Variants in ZNF148 observed in about 807,000 individuals in gnomAD.
ZNF148 encodes the protein Beta-Enolase Repressor Factor-1.
In ZNF148, 7 loss-of-function variants were observed where a neutral mutation model predicts 67.7. The observed-to-expected ratio is 0.10, with a 90% confidence interval of 0.06 to 0.19. ZNF148 has a LOEUF of 0.19. ZNF148 is among the 10% of genes least tolerant of loss of function. The pLI, the probability that ZNF148 is intolerant of heterozygous loss-of-function variation, is 1.00. For synonymous variants in ZNF148, 333 were observed against 330.7 expected (o/e 1.01, Z -0.08); for missense variants, 583 against 947.1 (o/e 0.62, Z 5.05).
chr3:125,243,135 G>A (rs1172294066), intron 7 of ZNF148, among the ~76,000 whole-genome samples: 4 of 152,078 alleles, frequency 2.6e-5, no homozygotes, highest in Non-Finnish European at 2.9e-5. Flanking sequence ...AAAAAGATAC[G>A]CCTTCCCATT....
intron 7 of ZNF148, among the ~76,000 whole-genome samples, chr3:125,238,501 T>G (rs1936195893): frequency 6.6e-6 from 1 of 151,620 alleles, no homozygotes; most frequent in African/African-American, 2.4e-5. Context: ...GGTGGCACAC[T>G]CCTGTAATCC....
intron 7 of ZNF148, among the ~76,000 whole-genome samples, chr3:125,244,178 G>C (rs1168495610): frequency 6.6e-6 from 1 of 152,160 alleles, no homozygotes; most frequent in African/African-American, 2.4e-5. Context: ...TTTCCAGTGA[G>C]ACTGTTTCCC....
intron 2 of ZNF148, among the ~76,000 whole-genome samples, chr3:125,324,825 A>G (rs1559757564): frequency 6.6e-6 from 1 of 152,166 alleles, no homozygotes; most frequent in Admixed American, 6.5e-5. Context: ...CAGTTTATAT[A>G]TTTTTTTAAG....
intron 7 of ZNF148, among the ~76,000 whole-genome samples, chr3:125,246,366 C>G (rs1169845832): frequency 6.6e-6 from 1 of 152,058 alleles, no homozygotes; most frequent in Non-Finnish European, 1.5e-5. Context: ...AGATCATGTA[C>G]CATTATGTGA....
At chr3:125,301,544 T>G (rs6768561) in intron 4 of ZNF148, among the ~76,000 whole-genome samples, 39 of 152,218 alleles carry the variant, frequency 2.6e-4, no homozygotes, top group African/African-American at 8.9e-4. Context: ...TAAAAACTCA[T>G]TTTTTTGCTT....
Position 125,233,168 on chromosome 3 carries a change from A to G in ZNF148, c.1558T>C (p.Ser520Pro). ...TTAATCTCCACATTCAGTGCCTGTG[A>G]CTCTAATATGGATGCCGTGGTACTT... is the stretch of plus-strand genomic sequence containing the variant. ...DESTTASILE[S>P]QALNVEIKSN... The change falls in exon 9 of 9, where the codon TCA (serine) becomes CCA (proline). Residue 520 changes from serine to proline, a missense_variant. This residue lies in a region of ZNF148 where 172 missense variants were observed against 307.7 expected (regional missense o/e 0.56). Transcript: ENST00000360647. This position sits in a 1 kb window ranked among gnomAD's most constrained non-coding sequence, Gnocchi z 5.1. The G allele has an allele frequency of 6.2e-7, 1 of 1,613,766 alleles. No homozygotes were observed. Among genetic ancestry groups the G allele is most frequent in the Non-Finnish European group, 8.5e-7 (1 of 1,179,862 alleles).
At chr3:125,340,761 C>G (rs1014963097) in intron 1 of ZNF148, among the ~76,000 whole-genome samples, 1 of 151,770 alleles carries the variant, frequency 6.6e-6, no homozygotes. Flanking sequence ...CCGAGGCGGG[C>G]GGATCACGAG....
At chr3:125,334,582 T>C (rs1941415247) in intron 1 of ZNF148, among the ~76,000 whole-genome samples, 1 of 152,200 alleles carries the variant, frequency 6.6e-6, no homozygotes, top group Non-Finnish European at 1.5e-5. Flanking sequence ...CTCAGTAGTG[T>C]TCCTAGGACA....
intron 1 of ZNF148, among the ~76,000 whole-genome samples, chr3:125,366,835 C>T (rs1942718803): frequency 6.6e-6 from 1 of 151,872 alleles, no homozygotes; most frequent in Admixed American, 6.6e-5. Flanking sequence ...CCTATCAATC[C>T]AAAACTTAAA....
At chr3:125,323,108 T>C (rs1430026067) in intron 3 of ZNF148, among the ~76,000 whole-genome samples, 7 of 152,186 alleles carry the variant, frequency 4.6e-5, no homozygotes, top group Admixed American at 4.6e-4. Flanking sequence ...TTTTGTTGTG[T>C]TAGAGTCTAA....
At chr3:125,368,859 C>T (rs935255266) in intron 1 of ZNF148, among the ~76,000 whole-genome samples, 2 of 151,850 alleles carry the variant, frequency 1.3e-5, no homozygotes, top group Admixed American at 6.6e-5. Context: ...GCAGGAGAAT[C>T]GCTTGAACCT....
At chr3:125,372,112 G>A (rs1942912005) in intron 1 of ZNF148, among the ~76,000 whole-genome samples, 3 of 150,630 alleles carry the variant, frequency 2.0e-5, no homozygotes, top group South Asian at 2.1e-4. Flanking sequence ...ATTCCAAGAT[G>A]AACAACTATC....
chr3:125,238,632 A>G (rs1442693534), intron 7 of ZNF148, among the ~76,000 whole-genome samples: 2 of 151,994 alleles, frequency 1.3e-5, no homozygotes, highest in African/African-American at 2.4e-5. Context: ...TGTCTAAAGG[A>G]AAAAAAACGC....
chr3:125,282,466 T>C (rs1463813289), intron 5 of ZNF148, among the ~76,000 whole-genome samples: 1 of 152,176 alleles, frequency 6.6e-6, no homozygotes, highest in Non-Finnish European at 1.5e-5. Flanking sequence ...CCCCTTGTCA[T>C]TGCTACTTCA....
At position 125,232,574 on chromosome 3, in the gene ZNF148, G is replaced by T; in HGVS notation, c.2152C>A (p.Gln718Lys). The change falls in exon 9 of 9, where the codon CAG becomes AAG. Residue 718 changes from glutamine to lysine, a missense_variant. By Grantham distance (53) the Gln-to-Lys change is moderately conservative. Coordinates refer to ENST00000360647, the MANE Select transcript of ZNF148 (RefSeq NM_021964.3). The surrounding 1 kb of genome is among the most constrained non-coding windows in gnomAD (Gnocchi z 4.2). ...QVTSQKKAEA[Q>K]PVHQAYQMSS... The stretch of plus-strand genomic sequence containing the variant: ...ATTTGGTAAGCTTGGTGGACAGGCT[G>T]GGCCTCAGCTTTCTTCTGAGAAGTC... 3 of 1,613,748 alleles carry T rather than the reference G, an allele frequency of 1.9e-6. No homozygotes were observed. Among genetic ancestry groups the T allele is most frequent in the Non-Finnish European group, 2.5e-6 (3 of 1,179,748 alleles).
intron 3 of ZNF148, among the ~76,000 whole-genome samples, chr3:125,322,763 A>G (rs1202883885): frequency 1.3e-5 from 2 of 152,216 alleles, no homozygotes; most frequent in Admixed American, 6.5e-5. Flanking sequence ...CTGTCACAGT[A>G]GCCAAGTCTA....
At chr3:125,283,485 A>C (rs1938496744) in intron 5 of ZNF148, among the ~76,000 whole-genome samples, 1 of 152,188 alleles carries the variant, frequency 6.6e-6, no homozygotes, top group African/African-American at 2.4e-5. Context: ...TTTCTAAAGA[A>C]AGATTTACAT....
intron 4 of ZNF148, chr3:125,292,826 C>A (rs1297390404): frequency 6.6e-6 from 1 of 152,188 alleles, no homozygotes; most frequent in South Asian, 2.1e-4. Flanking sequence ...ATAGTAGCTG[C>A]TTTTTAAAAC....
intron 4 of ZNF148, among the ~76,000 whole-genome samples, chr3:125,311,653 CA>C (rs1037091686): frequency 4.0e-5 from 6 of 149,608 alleles, no homozygotes; most frequent in Admixed American, 1.3e-4. Context: ...AATGATACAC[CA>C]AAAAAAAGGG....
Sources: gnomAD v4.1 joint callset for allele counts (sites outside exome capture counted in the v4.1 genomes callset) on GRCh38, gnomAD v4.1.1 for gene constraint, gnomAD v4.1.1 regional missense constraint, Gnocchi (gnomAD v3.1) non-coding constraint, MANE v1.5 for transcripts, NCBI Gene and HGNC (gene_info 2026-07-23, HGNC 2026-07-21) for gene names.